The following SLIT2 variants were observed in gnomAD, a reference collection of about 807,000 sequenced individuals.
The protein encoded by SLIT2 is slit guidance ligand 2.
In SLIT2, 41 loss-of-function variants were observed where a neutral mutation model predicts 185.7. That is an observed-to-expected ratio of 0.22 (90% CI 0.17 to 0.29). SLIT2 has a LOEUF of 0.29. SLIT2 is among the 10% of genes least tolerant of loss of function. SLIT2 has a pLI of 1.00. For missense variants in SLIT2, 1,571 were observed against 1,909.0 expected (o/e 0.82, Z 3.30); for synonymous variants, 693 against 680.2 (o/e 1.02, Z -0.29).
In SLIT2 at chr4:20,261,687, A is replaced by G. The variant is rs147506841; in HGVS notation, c.323+3748A>G. Among the ~76,000 whole-genome samples the G allele has an allele frequency of 2.9e-3, 444 of 151,994 alleles. 3 individuals carry two copies. Among genetic ancestry groups the G allele is most frequent in the Non-Finnish European group, 5.0e-3 (341 of 67,810 alleles). The stretch of plus-strand genomic sequence containing the variant: ...GTTTTTGAAATTTTTTAGGGTTGTT[A>G]TAGGATGTTTTATTATTTACTCCAA... On this transcript the variant is annotated intron_variant, in intron 3 of 36. Transcript: ENST00000504154.
intron 4 of SLIT2, among the ~76,000 whole-genome samples, chr4:20,458,914 G>C (rs1361749115): frequency 6.6e-6 from 1 of 152,154 alleles, no homozygotes; most frequent in East Asian, 1.9e-4. Context: ...TGTTAGCTTT[G>C]AGTATTACCT....
intron 4 of SLIT2, among the ~76,000 whole-genome samples, chr4:20,286,299 T>C (rs906027768): frequency 5.3e-5 from 8 of 152,134 alleles, no homozygotes; most frequent in African/African-American, 1.9e-4. Flanking sequence ...CCTCATCCCA[T>C]CATTTTCCAA....
At chr4:20,283,216 C>T (rs551870599) in intron 4 of SLIT2, among the ~76,000 whole-genome samples, 1 of 152,220 alleles carries the variant, frequency 6.6e-6, no homozygotes, top group South Asian at 2.1e-4. Context: ...CCTGCCTCAG[C>T]CAATTGAAGC....
chr4:20,529,429 G>A (rs897806799), intron 16 of SLIT2, among the ~76,000 whole-genome samples: 6 of 151,904 alleles, frequency 3.9e-5, no homozygotes, highest in Non-Finnish European at 8.8e-5. Context: ...AGTTTTTAAC[G>A]TATTTAATTC....
intron 4 of SLIT2, among the ~76,000 whole-genome samples, chr4:20,395,123 A>T (rs1031933021): frequency 6.6e-6 from 1 of 152,006 alleles, no homozygotes; most frequent in African/African-American, 2.4e-5. Flanking sequence ...CCATCCACAT[A>T]TTGCCATTTT....
chr4:20,601,647 A>G (rs925003799), intron 33 of SLIT2, among the ~76,000 whole-genome samples: 3 of 152,206 alleles, frequency 2.0e-5, no homozygotes, highest in Non-Finnish European at 2.9e-5. Context: ...AATGCCAAGC[A>G]AGGCAACCTC....
chr4:20,422,314 C>T (rs748429593), intron 4 of SLIT2, among the ~76,000 whole-genome samples: 12 of 152,168 alleles, frequency 7.9e-5, no homozygotes, highest in Non-Finnish European at 1.3e-4. Context: ...GAATAGTTAA[C>T]ATGGGCATAG....
rs1321850730 is a variant in SLIT2 at position 20,254,307 on chromosome 4, C to T, written c.179+313C>T. 2.6e-5 allele frequency among the ~76,000 whole-genome samples: 4 copies of T among 152,162 alleles called. No homozygotes were observed. Among genetic ancestry groups the T allele is most frequent in the African/African-American group, 7.2e-5 (3 of 41,438 alleles). ...TAGGGGACAAGTACTGGAGGATGCC[C>T]GGGGCAAGTGAGACGCCACTTTGTT... On this transcript the variant is annotated intron_variant, in intron 1 of 36. Transcript: ENST00000504154. The surrounding 1 kb of genome is among the most constrained non-coding windows in gnomAD (Gnocchi z 5.1).
chr4:20,404,705 A>G (rs1185736549), intron 4 of SLIT2, among the ~76,000 whole-genome samples: 3 of 152,056 alleles, frequency 2.0e-5, no homozygotes, highest in Non-Finnish European at 4.4e-5. Context: ...TGTCCTACAT[A>G]TTTAAACAAA....
At chr4:20,565,740 C>G (rs975659688) in intron 26 of SLIT2, among the ~76,000 whole-genome samples, 1 of 151,828 alleles carries the variant, frequency 6.6e-6, no homozygotes, top group South Asian at 2.1e-4. Context: ...GAAGTAAGCA[C>G]CACCTCTTTC....
In SLIT2 at chr4:20,541,624, G is replaced by T. The variant is rs1461148853; in HGVS notation, c.2143+5G>T. Reference sequence around the variant, plus strand: ...AGGACTTCACTTGTGATGACGGTAAGAAATACTTATCAACTCTTTGATTGT... The same window carrying T: ...AGGACTTCACTTGTGATGACGGTAATAAATACTTATCAACTCTTTGATTGT... On this transcript the variant is annotated splice_donor_5th_base_variant and intron_variant, in intron 20 of 36. Coordinates refer to ENST00000504154, the MANE Select transcript of SLIT2 (RefSeq NM_004787.4). 2 of 1,612,864 alleles carry T rather than the reference G, an allele frequency of 1.2e-6. No homozygotes were observed. The highest frequency in any genetic ancestry group is 1.1e-5 in the South Asian group (1 of 91,002).
intron 9 of SLIT2, among the ~76,000 whole-genome samples, chr4:20,501,913 CA>C (rs1326575664): frequency 1.3e-5 from 2 of 152,112 alleles, no homozygotes; most frequent in African/African-American, 4.8e-5. Context: ...CCACTATGTG[CA>C]GAGAAACCAT....
At chr4:20,519,533 C>G (rs912851324) in intron 12 of SLIT2, 80 bp downstream of exon 12, 1 of 830,808 alleles carries the variant, frequency 1.2e-6, no homozygotes, top group African/African-American at 1.7e-5. Flanking sequence ...TTTATGGAGG[C>G]CTTGGAAAAA....
intron 31 of SLIT2, 24 bp from the exon 32 acceptor site, chr4:20,596,390 AT>A (rs769761289): frequency 2.4e-5 from 38 of 1,594,968 alleles, no homozygotes; most frequent in East Asian, 6.7e-5. Context: ...GTATTAACTA[AT>A]TTTTTTTTCT....
At chr4:20,546,238 TCTGGAC>T (rs1237994467) in intron 22 of SLIT2, 139 bp downstream of exon 22, 1 of 514,618 alleles carries the variant, frequency 1.9e-6, no homozygotes, top group Non-Finnish European at 3.4e-6. Context: ...TCATTGCGGT[TCTGGAC>T]CCCTGGCTAC....
chr4:20,473,606 A>C (rs895497105), intron 5 of SLIT2, among the ~76,000 whole-genome samples: 4 of 152,012 alleles, frequency 2.6e-5, no homozygotes, highest in Non-Finnish European at 5.9e-5. Flanking sequence ...GTCATTTTCA[A>C]GTTTTGTATC....
intron 4 of SLIT2, among the ~76,000 whole-genome samples, chr4:20,407,170 G>A (rs1200250733): frequency 6.6e-6 from 1 of 152,092 alleles, no homozygotes; most frequent in African/African-American, 2.4e-5. Context: ...AGTTATAGGG[G>A]AGGGAGTTGC....
rs1357112410 is a variant in SLIT2, at chr4:20,252,045, G to T, written c.-1771G>T. Among the ~76,000 whole-genome samples the T allele has an allele frequency of 6.6e-6, 1 of 152,154 alleles. No homozygotes were observed. The highest frequency in any genetic ancestry group is 1.5e-5 in the Non-Finnish European group (1 of 68,012). Reference sequence around the variant, plus strand: ...AGGCGGAGGCAGCTGCGAGGCATGGGAGCGCCGAAGCGCCCAGGCGCAGGC... The same window carrying T: ...AGGCGGAGGCAGCTGCGAGGCATGGTAGCGCCGAAGCGCCCAGGCGCAGGC... On this transcript the variant is annotated 5_prime_UTR_variant, in exon 1 of 37. Transcript: ENST00000504154.
intron 4 of SLIT2, among the ~76,000 whole-genome samples, chr4:20,410,053 C>T (rs868025420): frequency 6.6e-6 from 1 of 152,060 alleles, no homozygotes; most frequent in Non-Finnish European, 1.5e-5. Flanking sequence ...TTTTGCTGTG[C>T]AGAAGCTCTT....
Sources: allele counts gnomAD v4.1 joint callset (sites outside exome capture counted in the v4.1 genomes callset), GRCh38; gene constraint gnomAD v4.1.1; non-coding constraint Gnocchi (gnomAD v3.1); transcripts MANE v1.5; gene names NCBI Gene and HGNC (gene_info 2026-07-23, HGNC 2026-07-21).